The following ATP8B4 variants were observed in gnomAD, a reference collection of about 807,000 sequenced individuals.
The protein encoded by ATP8B4 is probable phospholipid-transporting ATPase IM.
Under a neutral mutation model 145.6 loss-of-function variants are expected in ATP8B4, and 133 were observed. The ratio of observed to expected loss-of-function variants is 0.91; its 90% CI spans 0.79 to 1.05. The LOEUF (loss-of-function observed/expected upper bound fraction) is 1.05, where lower values mean the gene tolerates loss of function less well. ATP8B4 is among the 50% of genes least tolerant of loss of function. The pLI is 0.00. For synonymous variants in ATP8B4, 507 were observed against 492.9 expected, an observed-to-expected ratio of 1.03 and a Z score of -0.38; for missense variants, 1,458 against 1,425.2, an observed-to-expected ratio of 1.02 and a Z score of -0.37.
At chr15:50,141,857 A>C (rs2044216891) in intron 1 of ATP8B4, among the ~76,000 whole-genome samples, 2 of 152,200 alleles carry the variant, frequency 1.3e-5, no homozygotes, top group African/African-American at 4.8e-5. Context: ...ATTGGACAGC[A>C]CACACAACAT....
chr15:49,935,197 TAAG>T (rs2153471585), intron 14 of ATP8B4, among the ~76,000 whole-genome samples: 1 of 152,208 alleles, frequency 6.6e-6, no homozygotes, highest in African/African-American at 2.4e-5. Flanking sequence ...CTGAATAAAA[TAAG>T]AAATATTTAT....
chr15:50,083,155 A>G (rs925947855), intron 2 of ATP8B4, among the ~76,000 whole-genome samples: 5 of 152,158 alleles, frequency 3.3e-5, no homozygotes, highest in Non-Finnish European at 7.4e-5. Context: ...CCCATGCTTC[A>G]TCATCTCCAG....
intron 23 of ATP8B4, among the ~76,000 whole-genome samples, chr15:49,881,521 A>G (rs538705198): frequency 6.6e-6 from 1 of 152,328 alleles, no homozygotes; most frequent in South Asian, 2.1e-4. Flanking sequence ...AAGTGATACA[A>G]GACAGCTGCA....
intron 1 of ATP8B4, among the ~76,000 whole-genome samples, chr15:50,163,636 A>G (rs1301962509): frequency 6.6e-6 from 1 of 152,052 alleles, no homozygotes; most frequent in Non-Finnish European, 1.5e-5. Flanking sequence ...CTGCCTGGCT[A>G]TTGCTTATGT....
chr15:50,005,588 G>T (rs566663374), intron 7 of ATP8B4, among the ~76,000 whole-genome samples: 2 of 152,240 alleles, frequency 1.3e-5, no homozygotes, highest in East Asian at 3.9e-4. Flanking sequence ...ATTAACTCAT[G>T]TAAAGCCCAT....
In ATP8B4 at chr15:49,861,469, T is replaced by TACCTAC. The variant is rs1566884587; in HGVS notation, c.3297+775_3297+776insGTAGGT. On this transcript the variant is annotated intron_variant, in intron 27 of 27. Transcript: ENST00000284509. Reference sequence around the variant, plus strand: ...GTCTGTCTGTCTATCTATCTATCTATCTATCTACCTACCTACCTACCTACC... The same window carrying TACCTAC: ...GTCTGTCTGTCTATCTATCTATCTATACCTACCTATCTACCTACCTACCTACCTACC... 3.3e-3 allele frequency among the ~76,000 whole-genome samples: 466 copies of TACCTAC among 143,352 alleles called. 8 individuals carry two copies. Among genetic ancestry groups the TACCTAC allele is most frequent in the African/African-American group, 0.012 (451 of 38,662 alleles). 94.0% of individuals were successfully genotyped at this position (143,352 alleles called of 152,430 possible).
chr15:49,981,346 C>G, intron 10 of ATP8B4, 52 bp from the exon 11 acceptor site: 1 of 1,319,696 alleles, frequency 7.6e-7, no homozygotes, highest in South Asian at 1.3e-5. Flanking sequence ...ATTATGTATT[C>G]TTATTAATGC....
intron 3 of ATP8B4, among the ~76,000 whole-genome samples, chr15:50,066,324 A>G (rs1216103651): frequency 3.9e-5 from 6 of 152,146 alleles, no homozygotes; most frequent in Non-Finnish European, 7.4e-5. Flanking sequence ...CACTGTTACT[A>G]TGGTGATGCC....
chr15:49,876,549 G>C (rs769971615), intron 24 of ATP8B4, 26 bp from the exon 25 acceptor site: 208 of 1,613,166 alleles, frequency 1.3e-4, no homozygotes, highest in Non-Finnish European at 1.7e-4. Context: ...AATTTCAGTG[G>C]AGAAGGATTA....
chr15:50,120,654 C>T (rs1197058551), upstream of ATP8B4, among the ~76,000 whole-genome samples: 1 of 152,106 alleles, frequency 6.6e-6, no homozygotes, highest in Non-Finnish European at 1.5e-5. Flanking sequence ...GAAAACCACA[C>T]ACACGTGCAA....
At chr15:50,060,448 T>C (rs529436553) in intron 3 of ATP8B4, among the ~76,000 whole-genome samples, 125 of 152,344 alleles carry the variant, frequency 8.2e-4, no homozygotes, top group Middle Eastern at 3.4e-3. Flanking sequence ...CTTAGAGTCC[T>C]GAATCTGAAA....
intron 1 of ATP8B4, among the ~76,000 whole-genome samples, chr15:50,152,840 A>C (rs2044364248): frequency 6.6e-6 from 1 of 152,230 alleles, no homozygotes; most frequent in African/African-American, 2.4e-5. Flanking sequence ...TGAAGACAAC[A>C]TTGAAATTTA....
At chr15:49,889,617 C>A (rs985926497) in intron 23 of ATP8B4, among the ~76,000 whole-genome samples, 2 of 152,210 alleles carry the variant, frequency 1.3e-5, no homozygotes, top group Non-Finnish European at 2.9e-5. Flanking sequence ...TTCTTGAAGC[C>A]TTGCACACCA....
At chr15:50,019,032 C>A in intron 6 of ATP8B4, 1 of 867,328 alleles carries the variant, frequency 1.2e-6, no homozygotes, top group Non-Finnish European at 1.6e-6. Flanking sequence ...AATGACAAAT[C>A]TTGATCGGTC....
At chr15:50,009,452 C>T (rs12910217) in intron 7 of ATP8B4, 21,350 of 251,128 alleles carry the variant, frequency 0.085, 1,040 homozygotes, top group South Asian at 0.12. Flanking sequence ...CAGCATGGAA[C>T]GGATTTTTGA....
rs560148678 is a variant in ATP8B4, at chr15:49,876,472, G to C, written c.2833C>G (p.Gln945Glu). The change falls in exon 25 of 28, where the codon CAG (glutamine) becomes GAG (glutamate). Residue 945 changes from glutamine (Q) to glutamate (E), a missense_variant. Transcript: ENST00000284509. The part of the protein sequence containing the change: ...VDCPQLYKPG[Q>E]LNLLFNKRKF... ...CGCTTGTTAAAAAGCAGATTCAGCTGTCCTGGTTTGTAGAGCTGGGGACAG... is the reference window on the plus strand; with the variant it reads ...CGCTTGTTAAAAAGCAGATTCAGCTCTCCTGGTTTGTAGAGCTGGGGACAG... The C allele has an allele frequency of 1.2e-6, 2 of 1,614,114 alleles. No individual in the cohort carries two copies. The highest frequency in any genetic ancestry group is 4.5e-5 in the East Asian group (2 of 44,874).
intron 13 of ATP8B4, among the ~76,000 whole-genome samples, chr15:49,968,349 A>T (rs1474298897): frequency 6.6e-6 from 1 of 152,220 alleles, no homozygotes; most frequent in Non-Finnish European, 1.5e-5. Flanking sequence ...AAGAGTCAAG[A>T]CCCACTGGTG....
At chr15:50,060,957 A>T (rs1467001501) in intron 3 of ATP8B4, among the ~76,000 whole-genome samples, 1 of 152,194 alleles carries the variant, frequency 6.6e-6, no homozygotes, top group Non-Finnish European at 1.5e-5. Flanking sequence ...TCAAAAGTTG[A>T]TATAAGTTAA....
intron 1 of ATP8B4, among the ~76,000 whole-genome samples, chr15:50,134,284 C>T (rs531273366): frequency 1.3e-5 from 2 of 152,180 alleles, no homozygotes; most frequent in East Asian, 3.9e-4. Flanking sequence ...GTAAAAATAA[C>T]TATGGCAAGT....
Sources: gnomAD v4.1 joint callset for allele counts (sites outside exome capture counted in the v4.1 genomes callset) on GRCh38, gnomAD v4.1.1 for gene constraint, MANE v1.5 for transcripts, NCBI Gene and HGNC (gene_info 2026-07-23, HGNC 2026-07-21) for gene names.